The following GRIN2B variants were observed in gnomAD, a reference collection of about 807,000 sequenced individuals.
GRIN2B encodes the protein glutamate ionotropic receptor NMDA type subunit 2B.
GRIN2B carries 5 observed loss-of-function variants against 114.5 expected under a neutral mutation model. The ratio of observed to expected loss-of-function variants is 0.04; its 90% CI spans 0.02 to 0.09. The LOEUF (loss-of-function observed/expected upper bound fraction) is 0.09. Among genes scored for constraint, GRIN2B ranks in the 10% least tolerant of loss-of-function variants. GRIN2B has a pLI of 1.00. For missense variants in GRIN2B, 1,108 were observed against 1,943.5 expected (o/e 0.57, Z 8.08); for synonymous variants, 787 against 745.1 (o/e 1.06, Z -0.92).
intron 2 of GRIN2B, among the ~76,000 whole-genome samples, chr12:13,945,553 A>G (rs763570693): frequency 2.0e-5 from 3 of 152,174 alleles, no homozygotes; most frequent in Non-Finnish European, 4.4e-5. Flanking sequence ...CAGATTTTCT[A>G]TAGACCACTT....
chr12:13,867,465 G>A (rs1171702991), intron 2 of GRIN2B, among the ~76,000 whole-genome samples: 1 of 152,018 alleles, frequency 6.6e-6, no homozygotes, highest in Non-Finnish European at 1.5e-5. Context: ...CACTATTCAG[G>A]TGATGGCTAC....
At chr12:13,601,407 A>G (rs1949158432) in intron 10 of GRIN2B, among the ~76,000 whole-genome samples, 1 of 152,082 alleles carries the variant, frequency 6.6e-6, no homozygotes. Flanking sequence ...TCTGTGTCAA[A>G]TCTGTGTCTG....
At chr12:13,612,927 G>T (rs1949383725) in intron 8 of GRIN2B, among the ~76,000 whole-genome samples, 1 of 152,178 alleles carries the variant, frequency 6.6e-6, no homozygotes. Context: ...TAATAAAGAT[G>T]AAGTTTAAAA....
chr12:13,597,227 A>C (rs1229030632), intron 10 of GRIN2B, among the ~76,000 whole-genome samples: 1 of 152,210 alleles, frequency 6.6e-6, no homozygotes, highest in Non-Finnish European at 1.5e-5. Context: ...AGGCTGAATC[A>C]AGGAAAAACA....
intron 2 of GRIN2B, among the ~76,000 whole-genome samples, chr12:13,873,655 G>A (rs888725518): frequency 2.0e-5 from 3 of 152,138 alleles, no homozygotes; most frequent in Non-Finnish European, 4.4e-5. Context: ...GAAATCCTGA[G>A]AGTCTGGGGC....
chr12:13,614,016 C>CAA (rs77527098), intron 8 of GRIN2B, among the ~76,000 whole-genome samples: 4,078 of 92,088 alleles, frequency 0.044, 172 homozygotes, highest in African/African-American at 0.11. Flanking sequence ...CCTTGCACAG[C>CAA]AAAAAAAAAA....
intron 5 of GRIN2B, among the ~76,000 whole-genome samples, chr12:13,672,234 G>T (rs1179743546): frequency 1.3e-5 from 2 of 152,106 alleles, no homozygotes; most frequent in African/African-American, 4.8e-5. Context: ...GATGAGAAAA[G>T]AAAAATGTAG....
intron 2 of GRIN2B, among the ~76,000 whole-genome samples, chr12:13,973,638 A>G (rs765295774): frequency 3.3e-5 from 5 of 152,110 alleles, no homozygotes; most frequent in Admixed American, 6.5e-5. Flanking sequence ...GTCCCCTTGG[A>G]ATGCCTGACT....
intron 2 of GRIN2B, among the ~76,000 whole-genome samples, chr12:13,871,205 A>G (rs931116759): frequency 6.6e-6 from 1 of 152,190 alleles, no homozygotes; most frequent in Non-Finnish European, 1.5e-5. Flanking sequence ...CTAGAAATGT[A>G]TATAGAACAG....
At chr12:13,862,952 C>T (rs775754316) in intron 3 of GRIN2B, among the ~76,000 whole-genome samples, 24 of 152,344 alleles carry the variant, frequency 1.6e-4, no homozygotes, top group Non-Finnish European at 3.4e-4. Flanking sequence ...CTTCTTTTCC[C>T]TCTTGCTGCT....
chr12:13,938,602 T>C (rs1867172573), intron 2 of GRIN2B, among the ~76,000 whole-genome samples: 1 of 152,170 alleles, frequency 6.6e-6, no homozygotes, highest in Middle Eastern at 3.2e-3. Context: ...CAAATCTCAG[T>C]TTGCTAAGCA....
At position 13,753,766 on chromosome 12, in the gene GRIN2B, G is replaced by A; in HGVS notation, c.561C>T (p.Arg187=). The A allele has an allele frequency of 1.2e-6, 2 of 1,614,094 alleles. No individual in the cohort carries two copies. The highest frequency in any genetic ancestry group is 1.7e-5 in the Admixed American group (1 of 60,010). ...PGYQDFVNKI[R]STIENSFVGW... is the part of the protein sequence containing the mutation. ...CCACAAAGCTATTCTCAATGGTGCT[G>A]CGGATCTTGTTTACAAAGTCCTGGT... Residue 187 remains arginine (R), a synonymous_variant, in exon 4 of 14, where the codon CGC becomes CGT. Coordinates refer to ENST00000609686, the MANE Select transcript of GRIN2B (RefSeq NM_000834.5). The surrounding 1 kb of genome is among the most constrained non-coding windows in gnomAD (Gnocchi z 6.2).
intron 10 of GRIN2B, among the ~76,000 whole-genome samples, chr12:13,604,684 C>G (rs1354913881): frequency 6.6e-6 from 1 of 152,122 alleles, no homozygotes; most frequent in Non-Finnish European, 1.5e-5. Context: ...TCATGCATTA[C>G]CATACCCTGT....
intron 2 of GRIN2B, among the ~76,000 whole-genome samples, chr12:13,951,436 C>T (rs975215337): frequency 1.3e-4 from 20 of 152,122 alleles, no homozygotes; most frequent in Admixed American, 5.9e-4. Context: ...AACCATTTAG[C>T]CTAAATGTAA....
chr12:13,938,057 C>T (rs1193395526), intron 2 of GRIN2B, among the ~76,000 whole-genome samples: 4 of 151,596 alleles, frequency 2.6e-5, no homozygotes, highest in African/African-American at 9.7e-5. Context: ...TAAAAAGATA[C>T]TAAGTAGAGG....
intron 4 of GRIN2B, among the ~76,000 whole-genome samples, chr12:13,685,194 C>A (rs1026672452): frequency 6.6e-6 from 1 of 152,208 alleles, no homozygotes; most frequent in Non-Finnish European, 1.5e-5. Context: ...CCTCTCTCTA[C>A]TTCCTCTTAC....
intron 4 of GRIN2B, among the ~76,000 whole-genome samples, chr12:13,709,430 G>A (rs1950394221): frequency 6.6e-6 from 1 of 151,898 alleles, no homozygotes; most frequent in Admixed American, 6.6e-5. Flanking sequence ...TCATGAACAT[G>A]CTTTCAACAA....
At chr12:13,632,460 A>G (rs1949624001) in intron 5 of GRIN2B, among the ~76,000 whole-genome samples, 1 of 152,218 alleles carries the variant, frequency 6.6e-6, no homozygotes, top group African/African-American at 2.4e-5. Context: ...TTTATGAGTA[A>G]AAGTTACTTT....
rs7971933 is a variant in GRIN2B at position 13,972,655 on chromosome 12, G to A, written c.-19+7273C>T. 9.2e-3 allele frequency among the ~76,000 whole-genome samples: 1,405 copies of A among 152,328 alleles called. 19 individuals carry two copies. Among genetic ancestry groups the A allele is most frequent in the African/African-American group, 0.032 (1,329 of 41,558 alleles). On this transcript the variant is annotated intron_variant, in intron 2 of 13. Transcript: ENST00000609686. ...AGTACTGAAATGAGGGTCAGTGGAC[G>A]TGGCTGACCACATTATGTGGCTTTA...
Sources: gnomAD v4.1 joint callset for allele counts (sites outside exome capture counted in the v4.1 genomes callset) on GRCh38, gnomAD v4.1.1 for gene constraint, Gnocchi (gnomAD v3.1) non-coding constraint, MANE v1.5 for transcripts, NCBI Gene and HGNC (gene_info 2026-07-23, HGNC 2026-07-21) for gene names.